Variants in KCNIP4 observed in about 807,000 individuals in gnomAD.
KCNIP4 encodes the protein potassium voltage-gated channel interacting protein 4.
KCNIP4 carries 12 observed loss-of-function variants against 34.0 expected under a neutral mutation model. The observed-to-expected ratio is 0.35, with a 90% CI of 0.23 to 0.57. The LOEUF is 0.57. Among genes scored for constraint, KCNIP4 ranks in the 20% least tolerant of loss-of-function variants. The probability of loss-of-function intolerance (pLI) is 0.83; values close to 1 mark genes in which losing one functional copy is unlikely to be tolerated. For synonymous variants in KCNIP4, 124 were observed against 102.2 expected (o/e 1.21, Z -1.29); for missense variants, 238 against 311.7 (o/e 0.76, Z 1.78).
chr4:21,820,922 T>G (rs1326565379), intron 1 of KCNIP4, among the ~76,000 whole-genome samples: 1 of 152,168 alleles, frequency 6.6e-6, no homozygotes, highest in African/African-American at 2.4e-5. Flanking sequence ...CTAAACATTA[T>G]GCAACTGATA....
At chr4:21,000,267 G>A (rs547394999) in intron 1 of KCNIP4, among the ~76,000 whole-genome samples, 100 of 152,062 alleles carry the variant, frequency 6.6e-4, no homozygotes, top group African/African-American at 2.3e-3. Flanking sequence ...CTAATAAGTC[G>A]TCTCAGCCGC....
At chr4:20,887,431 G>C (rs1450774278) in intron 1 of KCNIP4, among the ~76,000 whole-genome samples, 1 of 148,504 alleles carries the variant, frequency 6.7e-6, no homozygotes. Flanking sequence ...ATAAATAAAA[G>C]AAGAATCACA....
At chr4:21,401,490 CA>C (rs1723556190) in intron 1 of KCNIP4, among the ~76,000 whole-genome samples, 1 of 152,130 alleles carries the variant, frequency 6.6e-6, no homozygotes, top group South Asian at 2.1e-4. Flanking sequence ...GAAAACTCAG[CA>C]GCAAGTTAAT....
intron 3 of KCNIP4, among the ~76,000 whole-genome samples, chr4:20,834,892 T>C (rs1357007531): frequency 1.3e-5 from 2 of 152,194 alleles, no homozygotes; most frequent in East Asian, 3.8e-4. Flanking sequence ...GATATATAGT[T>C]GTCATTTACT....
In KCNIP4 at chr4:21,188,118, G is replaced by A. The variant is rs575968812; in HGVS notation, c.62-305409C>T. 2.0e-3 allele frequency among the ~76,000 whole-genome samples: 300 copies of A among 152,292 alleles called. 1 individual carries two copies. The highest frequency in any genetic ancestry group is 3.4e-3 in the Middle Eastern group (1 of 292). ...TACTACTTAAGTATGTGGAGGAAATGCTTGTCATATTTAATAATTTTTAGT... is the reference window on the plus strand; with the variant it reads ...TACTACTTAAGTATGTGGAGGAAATACTTGTCATATTTAATAATTTTTAGT... On this transcript the variant is annotated intron_variant, in intron 1 of 8. Coordinates refer to ENST00000382152, the MANE Select transcript of KCNIP4 (RefSeq NM_025221.6).
intron 1 of KCNIP4, among the ~76,000 whole-genome samples, chr4:20,904,963 GA>G (rs1355718754): frequency 2.0e-5 from 3 of 152,152 alleles, no homozygotes; most frequent in African/African-American, 7.2e-5. Context: ...AGTAGTTTTG[GA>G]AAAAAGCATT....
chr4:21,140,758 C>A (rs549944384), intron 1 of KCNIP4, among the ~76,000 whole-genome samples: 1 of 152,112 alleles, frequency 6.6e-6, no homozygotes, highest in Admixed American at 6.6e-5. Context: ...GTCCCTGCCC[C>A]CTCCTTTCTT....
intron 1 of KCNIP4, among the ~76,000 whole-genome samples, chr4:21,510,307 T>G (rs9995812): frequency 0.072 from 10,968 of 152,152 alleles, 1,209 homozygotes; most frequent in African/African-American, 0.24. Context: ...TAAGAAAGTA[T>G]GCACTTCAAA....
At chr4:21,068,814 C>A (rs1279008556) in intron 1 of KCNIP4, among the ~76,000 whole-genome samples, 2 of 152,116 alleles carry the variant, frequency 1.3e-5, no homozygotes, top group Non-Finnish European at 2.9e-5. Context: ...CCCACAACAG[C>A]AGTAATCTTA....
intron 1 of KCNIP4, among the ~76,000 whole-genome samples, chr4:21,717,971 T>C (rs1281672871): frequency 6.6e-6 from 1 of 152,162 alleles, no homozygotes; most frequent in Non-Finnish European, 1.5e-5. Flanking sequence ...CTGAATCTGT[T>C]CATTTCATGT....
intron 1 of KCNIP4, among the ~76,000 whole-genome samples, chr4:21,123,433 G>T (rs545731351): frequency 6.6e-6 from 1 of 152,062 alleles, no homozygotes; most frequent in Non-Finnish European, 1.5e-5. Flanking sequence ...AGACATGGTG[G>T]AGCATGGCAA....
intron 1 of KCNIP4, among the ~76,000 whole-genome samples, chr4:21,334,990 C>T (rs1716034061): frequency 1.3e-5 from 2 of 152,032 alleles, no homozygotes; most frequent in South Asian, 4.2e-4. Context: ...TTTTCTACAC[C>T]TGTGTTTTCA....
intron 4 of KCNIP4, among the ~76,000 whole-genome samples, chr4:20,757,195 C>T (rs909930328): frequency 3.9e-5 from 6 of 152,094 alleles, no homozygotes; most frequent in African/African-American, 1.2e-4. Context: ...AAAGTTAGTT[C>T]ATCACTAAAT....
chr4:21,839,245 A>C (rs1177891823), intron 1 of KCNIP4, among the ~76,000 whole-genome samples: 1 of 152,202 alleles, frequency 6.6e-6, no homozygotes, highest in Non-Finnish European at 1.5e-5. Context: ...CTTTTAATAA[A>C]TAGTATTATA....
intron 1 of KCNIP4, among the ~76,000 whole-genome samples, chr4:21,595,495 G>C (rs1039103382): frequency 6.6e-6 from 1 of 151,972 alleles, no homozygotes; most frequent in African/African-American, 2.4e-5. Context: ...ATAATCCTTT[G>C]GGTATACACC....
intron 1 of KCNIP4, among the ~76,000 whole-genome samples, chr4:21,220,198 A>G (rs1245241416): frequency 1.3e-5 from 2 of 152,152 alleles, no homozygotes; most frequent in African/African-American, 4.8e-5. Context: ...TTTTCACTAT[A>G]TGGCTAGTAC....
intron 1 of KCNIP4, among the ~76,000 whole-genome samples, chr4:21,259,885 C>CTGTG (rs4054880): frequency 0.22 from 32,494 of 145,822 alleles, 4,456 homozygotes; most frequent in East Asian, 0.33. Flanking sequence ...GCGCCCAAGA[C>CTGTG]TGTGTGTGTG....
chr4:21,351,695 T>C (rs1718017498), intron 1 of KCNIP4, among the ~76,000 whole-genome samples: 2 of 152,044 alleles, frequency 1.3e-5, no homozygotes. Context: ...GGTGTCCTTA[T>C]AAGAAAAGGA....
chr4:21,494,445 T>G (rs1012036758), intron 1 of KCNIP4, among the ~76,000 whole-genome samples: 1 of 152,044 alleles, frequency 6.6e-6, no homozygotes, highest in South Asian at 2.1e-4. Context: ...TATTTAGAAA[T>G]AGCCTTAACT....
Sources: gnomAD v4.1 joint callset for allele counts (sites outside exome capture counted in the v4.1 genomes callset) on GRCh38, gnomAD v4.1.1 for gene constraint, MANE v1.5 for transcripts, NCBI Gene and HGNC (gene_info 2026-07-23, HGNC 2026-07-21) for gene names.